The following PRSS2 variants were observed in gnomAD, a reference collection of about 807,000 sequenced individuals.
PRSS2 encodes serine protease 2, also known as trypsin-2.
Under a neutral mutation model 19.2 loss-of-function variants are expected in PRSS2, and 19 were observed. That is an observed-to-expected ratio of 0.99 (90% CI 0.69 to 1.45). The LOEUF (loss-of-function observed/expected upper bound fraction) is 1.45. Among genes scored for constraint, PRSS2 ranks in the 40% most tolerant of loss-of-function variants. The probability of loss-of-function intolerance (pLI) is 0.00; values close to 1 mark genes in which losing one functional copy is unlikely to be tolerated. For synonymous variants in PRSS2, 107 were observed against 117.5 expected (o/e 0.91, Z 0.58); for missense variants, 288 against 294.4 (o/e 0.98, Z 0.16).
chr7:142,774,240 G>A, intron 4 of PRSS2, 116 bp from the exon 5 acceptor site: 1 of 1,098,598 alleles, frequency 9.1e-7, no homozygotes, highest in South Asian at 1.3e-5. Context: ...GCCACCGTGA[G>A]AAGGACGTGG....
intron 2 of PRSS2, chr7:142,772,526 G>A (rs1337150220): frequency 7.3e-6 from 5 of 687,696 alleles, no homozygotes; most frequent in East Asian, 2.7e-5. Context: ...CTAAGAATGA[G>A]TACTTAAAAA....
intron 4 of PRSS2, 61 bp downstream of exon 4, chr7:142,774,116 T>C (rs370233957): frequency 1.6e-5 from 21 of 1,285,646 alleles, no homozygotes; most frequent in East Asian, 2.3e-5. Flanking sequence ...CCAGGGAAAA[T>C]GATTTGAACT....
At chr7:142,772,485 C>G in intron 2 of PRSS2, 1 of 645,480 alleles carries the variant, frequency 1.5e-6, no homozygotes, top group Non-Finnish European at 2.8e-6. Context: ...CAGGCTAGTA[C>G]TTTTGCTGGT....
At chr7:142,771,180 C>A (rs1458183718) in intron 1 of PRSS2, among the ~76,000 whole-genome samples, 158 bp downstream of exon 1, 2 of 152,072 alleles carry the variant, frequency 1.3e-5, no homozygotes, top group African/African-American at 4.8e-5. Context: ...CTTTTTAAGC[C>A]TCACTTGTTC....
intron 1 of PRSS2, 117 bp downstream of exon 1, chr7:142,771,139 T>C: frequency 2.0e-6 from 1 of 501,646 alleles, no homozygotes; most frequent in Non-Finnish European, 3.6e-6. Flanking sequence ...TTCCTCCATC[T>C]GGCATTTCTT....
rs1020733006 is a variant in PRSS2, at chr7:142,771,329, A to C, written c.40+307A>C. 6.6e-5 allele frequency among the ~76,000 whole-genome samples: 10 copies of C among 152,312 alleles called. No homozygotes were observed. The South Asian group carries it at 1.9e-3, about 29-fold the overall frequency. On this transcript the variant is annotated intron_variant, in intron 1 of 4. Transcript: ENST00000539842. ...CTTCAGGCTTGGCTCTGACAGCACC[A>C]CAATAGCACCACTATAGCTGCTCTT...
chr7:142,772,265 G>T, intron 2 of PRSS2, 57 bp downstream of exon 2: 1 of 1,590,132 alleles, frequency 6.3e-7, no homozygotes, highest in South Asian at 1.1e-5. Flanking sequence ...GGAGAGCTTG[G>T]ATTCAGCCCA....
chr7:142,771,925 C>A (rs1586035538), intron 1 of PRSS2, 124 bp from the exon 2 acceptor site: 8 of 1,447,276 alleles, frequency 5.5e-6, no homozygotes, highest in East Asian at 2.3e-5. Flanking sequence ...GGCAGCGCTC[C>A]CCCCCTTGCC....
Position 142,773,475 on chromosome 7 carries a change from C to T in PRSS2, c.410C>T (p.Thr137Ile), listed in dbSNP as rs747502792. 34 of 1,597,468 alleles carry T rather than the reference C, an allele frequency of 2.1e-5. No homozygotes were observed. The Admixed American group carries it at 3.8e-4, about 18-fold the overall frequency. The change falls in exon 3 of 5, where the codon ACC (threonine) becomes ATC (isoleucine). Residue 137 changes from threonine (T) to isoleucine (I), a missense_variant. Thr to Ile is a moderately conservative substitution (Grantham distance 89). Coordinates refer to ENST00000539842, the MANE Select transcript of PRSS2 (RefSeq NM_002770.4). Reference protein sequence around the residue: ...SLPTAPPAAGTESLISGWGNT... With the variant: ...SLPTAPPAAGIESLISGWGNT... ...CCCACTGCCCCTCCAGCTGCTGGCACCGAGTCCCTCATCTCCGGCTGGGGC... is the reference window on the plus strand; with the variant it reads ...CCCACTGCCCCTCCAGCTGCTGGCATCGAGTCCCTCATCTCCGGCTGGGGC...
At position 142,773,393 on chromosome 7, in the gene PRSS2, C is replaced by G; in HGVS notation, c.328C>G (p.Leu110Val). ...NSRTLDNDIL[L>V]IKLSSPAVIN... ...CCGGACTCTGGACAATGACATCCTGCTGATCAAGCTCTCCTCACCTGCCGT... is the reference window on the plus strand; with the variant it reads ...CCGGACTCTGGACAATGACATCCTGGTGATCAAGCTCTCCTCACCTGCCGT... The change falls in exon 3 of 5, where the codon CTG becomes GTG. Residue 110 changes from leucine to valine, a missense_variant. Physicochemically the swap from Leu to Val is conservative, Grantham distance 32. Coordinates refer to ENST00000539842, the MANE Select transcript of PRSS2 (RefSeq NM_002770.4). 1.9e-6 allele frequency: 3 copies of G among 1,611,574 alleles called. No homozygotes were observed. Among genetic ancestry groups the G allele is most frequent in the South Asian group, 2.2e-5 (2 of 90,976 alleles).
chr7:142,773,443 C>G lies in PRSS2; in HGVS notation c.378C>G (p.Ile126Met). 6.2e-7 allele frequency: 1 copy of G among 1,601,254 alleles called. No homozygotes were observed. The highest frequency in any genetic ancestry group is 1.1e-5 in the South Asian group (1 of 90,528). The change falls in exon 3 of 5, where the codon ATC becomes ATG. Residue 126 changes from isoleucine (I) to methionine (M), a missense_variant. Ile to Met is a conservative substitution (Grantham distance 10). Coordinates refer to ENST00000539842, the MANE Select transcript of PRSS2 (RefSeq NM_002770.4). ...TCATCAATTCCCGCGTGTCCGCCAT[C>G]TCTCTGCCCACTGCCCCTCCAGCTG... is the stretch of plus-strand genomic sequence containing the variant. ...PAVINSRVSA[I>M]SLPTAPPAAG...
Position 142,771,010 on chromosome 7 carries a change from G to A in PRSS2, c.28G>A (p.Val10Ile). 1 of 622,634 alleles carries A rather than the reference G, an allele frequency of 1.6e-6. No homozygotes were observed. The highest frequency in any genetic ancestry group is 1.8e-5 in the African/African-American group (1 of 54,558). The allele number at this position is 622,634 out of a possible 1,614,324, so 38.6% of individuals were successfully genotyped here. The change falls in exon 1 of 5, where the codon GTT (valine) becomes ATT (isoleucine). Residue 10 changes from valine (V) to isoleucine (I), a missense_variant. Val to Ile is a conservative substitution (Grantham distance 29, BLOSUM62 3). Transcript: ENST00000539842. ...GAATCTACTTCTGATCCTTACCTTT[G>A]TTGCAGCTGCTGGTGAGTTTCACGC... MNLLLILTF[V>I]AAAVAAPFDD...
At chr7:142,773,235 A>G in intron 2 of PRSS2, 31 bp from the exon 3 acceptor site, 2 of 1,614,234 alleles carry the variant, frequency 1.2e-6, no homozygotes, top group Middle Eastern at 1.6e-4. Context: ...CTGTGGGAGA[A>G]GGTCTTCACC....
rs761081363 is a variant in PRSS2, at chr7:142,773,286, G to C, written c.221G>C (p.Gly74Ala). Residue 74 changes from glycine to alanine, a missense_variant, in exon 3 of 5, where the codon GGA (glycine) becomes GCA (alanine). Transcript: ENST00000539842. ...ATCAGCCGCATCCAGGTGAGACTGG[G>C]AGAGCACAACATCGAAGTCCTGGAG... ...CYKSRIQVRL[G>A]EHNIEVLEGN... is the part of the protein sequence containing the mutation. 2.2e-5 allele frequency: 36 copies of C among 1,614,254 alleles called. No individual in the cohort carries two copies. The highest frequency in any genetic ancestry group is 2.9e-5 in the Non-Finnish European group (34 of 1,180,046).
chr7:142,773,923 C>G lies in PRSS2; in HGVS notation c.459C>G (p.Asp153Glu). The G allele has an allele frequency of 6.2e-7, 1 of 1,612,904 alleles. No homozygotes were observed. The highest frequency in any genetic ancestry group is 8.5e-7 in the Non-Finnish European group (1 of 1,178,862). ...GWGNTLSSGA[D>E]YPDELQCLDA... ...TTCTCTTCCTGATCCTCACAGCCGA[C>G]TACCCAGACGAGCTGCAGTGCCTGG... Residue 153 changes from aspartate to glutamate, a missense_variant, in exon 4 of 5, where the codon GAC (aspartate) becomes GAG (glutamate). Coordinates refer to ENST00000539842, the MANE Select transcript of PRSS2 (RefSeq NM_002770.4).
chr7:142,774,142 C>T (rs11763469), intron 4 of PRSS2, 87 bp downstream of exon 4: 35,201 of 1,415,268 alleles, frequency 0.025, 157 homozygotes, highest in Non-Finnish European at 0.032. Flanking sequence ...GGTGGCGGGG[C>T]TGAGGAGGCT....
intron 3 of PRSS2, 137 bp from the exon 4 acceptor site, chr7:142,773,782 A>C (rs1330316089): frequency 3.7e-6 from 5 of 1,350,232 alleles, no homozygotes; most frequent in Admixed American, 3.4e-5. Flanking sequence ...ACTAAAAGCC[A>C]GAGTCCCTTG....
intron 3 of PRSS2, 97 bp from the exon 4 acceptor site, chr7:142,773,822 G>A: frequency 1.3e-6 from 2 of 1,499,978 alleles, no homozygotes; most frequent in Non-Finnish European, 1.9e-6. Flanking sequence ...GTCCTCTCCA[G>A]GGGCAGTGTT....
At position 142,772,093 on chromosome 7, in the gene PRSS2, A is replaced by C. The variant is rs985294544; in HGVS notation, c.85A>C (p.Ile29Leu). The stretch of plus-strand genomic sequence containing the variant: ...TGATGACAAGATCGTTGGGGGCTAC[A>C]TCTGTGAGGAGAATTCTGTCCCCTA... ...DDDDKIVGGY[I>L]CEENSVPYQV... Residue 29 changes from isoleucine to leucine, a missense_variant, in exon 2 of 5, where the codon ATC becomes CTC. Transcript: ENST00000539842. 5.0e-6 allele frequency: 8 copies of C among 1,613,806 alleles called. No individual in the cohort carries two copies. Among genetic ancestry groups the C allele is most frequent in the Non-Finnish European group, 6.8e-6 (8 of 1,179,686 alleles).
Sources: allele counts gnomAD v4.1 joint callset (sites outside exome capture counted in the v4.1 genomes callset), GRCh38; gene constraint gnomAD v4.1.1; transcripts MANE v1.5; gene names NCBI Gene and HGNC (gene_info 2026-07-23, HGNC 2026-07-21).